The following CHD1L variants were observed in gnomAD, a reference collection of about 807,000 sequenced individuals.
CHD1L encodes chromodomain helicase DNA binding protein 1 like.
A neutral mutation model predicts 115.9 loss-of-function variants in CHD1L; 118 were observed. The ratio of observed to expected loss-of-function variants is 1.02; its 90% CI spans 0.88 to 1.19. The LOEUF (loss-of-function observed/expected upper bound fraction) is 1.19, where lower values mean the gene tolerates loss of function less well. CHD1L is among the 50% of genes most tolerant of loss of function. The pLI, the probability that CHD1L is intolerant of heterozygous loss-of-function variation, is 0.00. For missense variants in CHD1L, 1,179 were observed against 1,065.3 expected (o/e 1.11, Z -1.49); for synonymous variants, 411 against 387.1 (o/e 1.06, Z -0.72).
chr1:147,187,859 A>C, the CHD1L span, among the ~76,000 whole-genome samples: 12 of 152,194 alleles, frequency 7.9e-5, no homozygotes, highest in Non-Finnish European at 1.6e-4. Context: ...ATTAACAGTG[A>C]TATCTGTGTG....
At chr1:147,222,635 C>A in the CHD1L span, among the ~76,000 whole-genome samples, 7 of 152,112 alleles carry the variant, frequency 4.6e-5, no homozygotes, top group Non-Finnish European at 1.0e-4. Flanking sequence ...AACGGTGAAC[C>A]ACACAGGTGT....
the CHD1L span, chr1:147,190,132 A>G: frequency 1.6e-6 from 2 of 1,268,280 alleles, no homozygotes; most frequent in Admixed American, 1.8e-5. Context: ...TTATTAAGAA[A>G]TAAGTAGAAA....
chr1:147,173,409 A>G, the CHD1L span: 1 of 152,318 alleles, frequency 6.6e-6, no homozygotes, highest in African/African-American at 2.4e-5. Flanking sequence ...TAGGAGCTCT[A>G]GCTCCTTGAC....
chr1:147,287,676 C>CT lies in CHD1L; in HGVS notation c.2264dup (p.Glu756GlyfsTer6). The CT allele has an allele frequency of 6.2e-7, 1 of 1,613,974 alleles. No individual in the cohort carries two copies. Among genetic ancestry groups the CT allele is most frequent in the South Asian group, 1.1e-5 (1 of 91,068 alleles). ...GGGCAGAGGTGGTTTATTTACAGCT[C>CT]TGGAAAAGCGATCCGCTGAGCCAAG... On this transcript the variant is annotated frameshift_variant, in exon 19 of 23. Transcript: ENST00000369258. LOFTEE classifies it high-confidence loss of function.
upstream of CHD1L, among the ~76,000 whole-genome samples, chr1:147,240,423 A>C (rs1308013026): frequency 6.6e-6 from 1 of 152,240 alleles, no homozygotes; most frequent in Non-Finnish European, 1.5e-5. Flanking sequence ...TAGGAAAGCC[A>C]GTTATTGTCC....
chr1:147,288,325 T>TAAAAAA (rs782063703), intron 19 of CHD1L, among the ~76,000 whole-genome samples: 2 of 90,020 alleles, frequency 2.2e-5, no homozygotes, highest in Non-Finnish European at 4.3e-5. Context: ...CCTGTTTCAA[T>TAAAAAA]AAAAAAAAAA....
chr1:147,268,335 G>C (rs1358437320), intron 9 of CHD1L, among the ~76,000 whole-genome samples: 1 of 152,160 alleles, frequency 6.6e-6, no homozygotes, highest in Non-Finnish European at 1.5e-5. Flanking sequence ...CAGAGGGCTT[G>C]CTGCAGTCAT....
At chr1:147,220,604 C>T in the CHD1L span, among the ~76,000 whole-genome samples, 2 of 152,140 alleles carry the variant, frequency 1.3e-5, no homozygotes, top group African/African-American at 4.8e-5. Context: ...AACGCTATTT[C>T]AAGCCAGGAC....
At chr1:147,254,239 C>T (rs1427400588) in intron 2 of CHD1L, among the ~76,000 whole-genome samples, 2 of 152,110 alleles carry the variant, frequency 1.3e-5, no homozygotes, top group African/African-American at 2.4e-5. Flanking sequence ...AGCTTAGGAT[C>T]GTGTATTGTC....
chr1:147,213,608 A>ACAGTTCT, the CHD1L span: 1 of 697,658 alleles, frequency 1.4e-6, no homozygotes, highest in Non-Finnish European at 2.2e-6. Flanking sequence ...TACTCCACAA[A>ACAGTTCT]TAAGAACTGT....
chr1:147,196,960 C>T, the CHD1L span, among the ~76,000 whole-genome samples: 3 of 152,132 alleles, frequency 2.0e-5, no homozygotes, highest in South Asian at 2.1e-4. Context: ...ACCACAGGCT[C>T]GTACTGACCT....
intron 19 of CHD1L, among the ~76,000 whole-genome samples, chr1:147,290,823 C>CAG (rs1685239513): frequency 1.3e-5 from 2 of 151,796 alleles, no homozygotes; most frequent in African/African-American, 4.8e-5. Context: ...CTAACTTTTT[C>CAG]TTATTTTTTG....
At chr1:147,193,291 T>G in the CHD1L span, among the ~76,000 whole-genome samples, 1 of 152,176 alleles carries the variant, frequency 6.6e-6, no homozygotes, top group Non-Finnish European at 1.5e-5. Flanking sequence ...TCTAGTTTAT[T>G]TGTGTAGAGG....
the CHD1L span, among the ~76,000 whole-genome samples, chr1:147,216,956 T>C: frequency 6.6e-6 from 1 of 152,202 alleles, no homozygotes; most frequent in Non-Finnish European, 1.5e-5. Flanking sequence ...AACTTCCTAT[T>C]GAGGCCGGGC....
At chr1:147,249,402 G>GTTTTTTT (rs1367949319) in intron 1 of CHD1L, among the ~76,000 whole-genome samples, 1 of 26,978 alleles carries the variant, frequency 3.7e-5, no homozygotes, top group Non-Finnish European at 6.6e-5. Flanking sequence ...ATCTTGGTGT[G>GTTTTTTT]TATTTTTTTT....
the CHD1L span, among the ~76,000 whole-genome samples, chr1:147,231,335 C>A: frequency 5.3e-5 from 8 of 152,106 alleles, no homozygotes; most frequent in Non-Finnish European, 7.4e-5. Context: ...GTTCCTTAAT[C>A]CTGAGTTCTA....
rs1400464743 is a variant in CHD1L at position 147,293,667 on chromosome 1, G to A, written c.2451G>A (p.Met817Ile). ...DRSNVLSGIK[M>I]AALEEGLKKI... ...CCAATGTCCTGTCTGGCATTAAGAT[G>A]GCAGCCCTAGAAGAGGGCCTGAAGA... Residue 817 changes from methionine (M) to isoleucine (I), a missense_variant, in exon 21 of 23, where the codon ATG (methionine) becomes ATA (isoleucine). Transcript: ENST00000369258. 5 of 1,614,028 alleles carry A rather than the reference G, an allele frequency of 3.1e-6. No individual in the cohort carries two copies. The highest frequency in any genetic ancestry group is 4.2e-6 in the Non-Finnish European group (5 of 1,180,016).
intron 1 of CHD1L, among the ~76,000 whole-genome samples, chr1:147,249,506 A>C (rs1245448595): frequency 3.4e-5 from 5 of 146,112 alleles, no homozygotes; most frequent in African/African-American, 5.1e-5. Context: ...CCTGGGTTCA[A>C]GCAATTTTCG....
the CHD1L span, among the ~76,000 whole-genome samples, chr1:147,192,872 A>T: frequency 6.6e-6 from 1 of 152,148 alleles, no homozygotes; most frequent in Non-Finnish European, 1.5e-5. Context: ...CCACTTGATC[A>T]TGGCAGATAA....
Sources: allele counts gnomAD v4.1 joint callset (sites outside exome capture counted in the v4.1 genomes callset), GRCh38; gene constraint gnomAD v4.1.1; transcripts MANE v1.5; gene names NCBI Gene and HGNC (gene_info 2026-07-23, HGNC 2026-07-21).